The following PHACTR2 variants were observed in gnomAD, a reference collection of about 807,000 sequenced individuals.
PHACTR2 encodes chromosome 6 open reading frame 56.
PHACTR2 carries 30 observed loss-of-function variants against 76.0 expected under a neutral mutation model. The observed-to-expected ratio is 0.39, with a 90% CI of 0.30 to 0.54. The LOEUF is 0.54. PHACTR2 is among the 20% of genes least tolerant of loss of function. The probability of loss-of-function intolerance (pLI) is 0.61; values close to 1 mark genes in which losing one functional copy is unlikely to be tolerated. For missense variants in PHACTR2, 696 were observed against 781.1 expected (o/e 0.89, Z 1.30); for synonymous variants, 292 against 292.5 (o/e 1.00, Z 0.02).
chr6:143,604,283 A>C (rs17072813), upstream of PHACTR2, among the ~76,000 whole-genome samples: 944 of 152,224 alleles, frequency 6.2e-3, 22 homozygotes, highest in East Asian at 0.091. Context: ...TGGACCAAGC[A>C]ATCTAATTAC....
chr6:143,769,771 T>G (rs1229789046), intron 6 of PHACTR2, among the ~76,000 whole-genome samples: 2 of 152,174 alleles, frequency 1.3e-5, no homozygotes, highest in Non-Finnish European at 2.9e-5. Flanking sequence ...CAGAACATAT[T>G]ATTAATTGGC....
At position 143,627,738 on chromosome 6, in the gene PHACTR2, A is replaced by T. The variant is rs567291863; in HGVS notation, c.13+19416A>T. 1.3e-5 allele frequency among the ~76,000 whole-genome samples: 2 copies of T among 152,138 alleles called. No individual in the cohort carries two copies. The highest frequency in any genetic ancestry group is 3.9e-4 in the East Asian group (2 of 5,174). On this transcript the variant is annotated intron_variant, in intron 1 of 11. Coordinates refer to the PHACTR2 transcript ENST00000305766. This position sits in a 1 kb window ranked among gnomAD's most constrained non-coding sequence, Gnocchi z 4.3. ...TGCCTCAGCCTCTCTAGTAGCTGGG[A>T]CTACAGGCTCGTACCGCCACGCCCA...
rs1777481811 is a variant in PHACTR2 at position 143,684,958 on chromosome 6, T to A, written c.46+6749T>A. On this transcript the variant is annotated intron_variant, in intron 1 of 12. Coordinates refer to ENST00000440869, the MANE Select transcript of PHACTR2 (RefSeq NM_001100164.2). The surrounding 1 kb of genome is among the most constrained non-coding windows in gnomAD (Gnocchi z 4.3). Reference sequence around the variant, plus strand: ...TATTTCTTTTTCTTTGAATTGCCTATTTATAGACTTTCCTTATTTTTATGG... The same window carrying A: ...TATTTCTTTTTCTTTGAATTGCCTAATTATAGACTTTCCTTATTTTTATGG... Among the ~76,000 whole-genome samples, 1 of 152,220 alleles carries A rather than the reference T, an allele frequency of 6.6e-6. No individual in the cohort carries two copies. Among genetic ancestry groups the A allele is most frequent in the South Asian group, 2.1e-4 (1 of 4,834 alleles).
At chr6:143,642,412 T>C (rs1776582213) in intron 1 of PHACTR2, among the ~76,000 whole-genome samples, 1 of 152,228 alleles carries the variant, frequency 6.6e-6, no homozygotes, top group Non-Finnish European at 1.5e-5. Context: ...AACACCTCAT[T>C]GTGTCAAAGA....
In PHACTR2 at chr6:143,571,291, A is replaced by G. The variant is rs755242713; in HGVS notation, c.217+34084A>G. On this transcript the variant is annotated intron_variant, in intron 1 of 11. Coordinates refer to the PHACTR2 transcript ENST00000367584. The surrounding 1 kb of genome is among the most constrained non-coding windows in gnomAD (Gnocchi z 4.6). ...AGTTATCATCCTTCTGCATTTATCA[A>G]TTGGAATTCTACTACAATGAAGAGC... Among the ~76,000 whole-genome samples, 1 of 152,202 alleles carries G rather than the reference A, an allele frequency of 6.6e-6. No homozygotes were observed. Among genetic ancestry groups the G allele is most frequent in the South Asian group, 2.1e-4 (1 of 4,832 alleles).
Position 143,761,685 on chromosome 6 carries a change from C to G in PHACTR2, c.694+1045C>G, listed in dbSNP as rs1327157313. Among the ~76,000 whole-genome samples the G allele has an allele frequency of 6.6e-6, 1 of 151,880 alleles. No individual in the cohort carries two copies. Among genetic ancestry groups the G allele is most frequent in the African/African-American group, 2.4e-5 (1 of 41,338 alleles). Reference sequence around the variant, plus strand: ...AGGAAAATCGCTTGAACCCAGGAGGCAGAAGTTGCGGTGAGCTGAGATCGC... The same window carrying G: ...AGGAAAATCGCTTGAACCCAGGAGGGAGAAGTTGCGGTGAGCTGAGATCGC... On this transcript the variant is annotated intron_variant, in intron 5 of 12. Coordinates refer to ENST00000440869, the MANE Select transcript of PHACTR2 (RefSeq NM_001100164.2). The surrounding 1 kb of genome is among the most constrained non-coding windows in gnomAD (Gnocchi z 5.2).
chr6:143,828,556 A>G lies in PHACTR2; in HGVS notation c.*4867A>G, dbSNP rs1776592569. On this transcript the variant is annotated 3_prime_UTR_variant, in exon 13 of 13. Transcript: ENST00000440869. This position sits in a 1 kb window ranked among gnomAD's most constrained non-coding sequence, Gnocchi z 4.7. ...ATGTTGTAAAATTTCTGGCAAAGAAATGGAGGATCCTGTGGCAGCTATTCC... is the reference window on the plus strand; with the variant it reads ...ATGTTGTAAAATTTCTGGCAAAGAAGTGGAGGATCCTGTGGCAGCTATTCC... The G allele has an allele frequency of 6.6e-6, 1 of 152,208 alleles. No homozygotes were observed. The highest frequency in any genetic ancestry group is 1.5e-5 in the Non-Finnish European group (1 of 68,028). 9.4% of individuals were successfully genotyped at this position (152,208 alleles called of 1,614,324 possible).
rs1779405227 is a variant in PHACTR2 at position 143,760,330 on chromosome 6, A to G, written c.455-71A>G. 5 of 1,399,114 alleles carry G rather than the reference A, an allele frequency of 3.6e-6. No individual in the cohort carries two copies. Among genetic ancestry groups the G allele is most frequent in the South Asian group, 2.6e-5 (2 of 78,088 alleles). 86.7% of individuals were successfully genotyped at this position (1,399,114 alleles called of 1,614,324 possible). A position where few individuals can be genotyped will look rare whatever the true frequency, so the allele number is the denominator to read the frequency against. The stretch of plus-strand genomic sequence containing the variant: ...AGACACGCTTTGTGTCACTATCGTC[A>G]TGTCTTGCTCCTTGTGTTTATATGG... On this transcript the variant is annotated intron_variant, in intron 4 of 12. Transcript: ENST00000440869. This position sits in a 1 kb window ranked among gnomAD's most constrained non-coding sequence, Gnocchi z 6.4.
chr6:143,826,996 TGAA>T lies in PHACTR2; in HGVS notation c.*3309_*3311del, dbSNP rs1368702880. ...TTCTGTTAGTAGGAAGTTCTGAAATTGAAGGGAAAATATATTTAAGGAAATAAA... is the reference window on the plus strand; with the variant it reads ...TTCTGTTAGTAGGAAGTTCTGAAATTGGGAAAATATATTTAAGGAAATAAA... On this transcript the variant is annotated 3_prime_UTR_variant, in exon 13 of 13. Transcript: ENST00000440869. 2.6e-5 allele frequency: 4 copies of T among 151,336 alleles called. No individual in the cohort carries two copies. Among genetic ancestry groups the T allele is most frequent in the Admixed American group, 2.6e-4 (4 of 15,178 alleles). 9.4% of individuals were successfully genotyped at this position (151,336 alleles called of 1,614,324 possible).
intron 2 of PHACTR2, 30 bp downstream of exon 2, chr6:143,712,213 G>A (rs1243503834): frequency 3.0e-6 from 4 of 1,336,896 alleles, no homozygotes; most frequent in Admixed American, 2.9e-5. Context: ...TTAGAAGATG[G>A]GATAAATTGT....
chr6:143,719,472 C>T (rs9376780), intron 2 of PHACTR2, among the ~76,000 whole-genome samples: 6 of 148,298 alleles, frequency 4.0e-5, no homozygotes, highest in South Asian at 2.2e-4. Context: ...GCCTCAGCCT[C>T]CTGAGTAGCT....
rs1776305622 is a variant in PHACTR2 at position 143,816,815 on chromosome 6, C to T, written c.1923-6859C>T. Among the ~76,000 whole-genome samples the T allele has an allele frequency of 6.6e-6, 1 of 152,210 alleles. No individual in the cohort carries two copies. Among genetic ancestry groups the T allele is most frequent in the Admixed American group, 6.5e-5 (1 of 15,288 alleles). ...GTGCGGTGGCTCATGCCTGTAATCCCAGCACTTTGGGAGGCTGAGGCGGGA... is the reference window on the plus strand; with the variant it reads ...GTGCGGTGGCTCATGCCTGTAATCCTAGCACTTTGGGAGGCTGAGGCGGGA... On this transcript the variant is annotated intron_variant, in intron 12 of 12. Coordinates refer to ENST00000440869, the MANE Select transcript of PHACTR2 (RefSeq NM_001100164.2). This position sits in a 1 kb window ranked among gnomAD's most constrained non-coding sequence, Gnocchi z 4.5.
At chr6:143,748,348 G>A (rs540618331) in intron 2 of PHACTR2, among the ~76,000 whole-genome samples, 2 of 152,344 alleles carry the variant, frequency 1.3e-5, no homozygotes, top group East Asian at 1.9e-4. Flanking sequence ...TTACAGGCAT[G>A]AGCCACCGTT....
intron 1 of PHACTR2, among the ~76,000 whole-genome samples, chr6:143,629,346 G>C (rs1396957094): frequency 6.6e-6 from 1 of 151,952 alleles, no homozygotes; most frequent in African/African-American, 2.4e-5. Flanking sequence ...TCCTTTCAGT[G>C]GTATTTTTAA....
At chr6:143,614,153 C>G (rs1776024553) in intron 1 of PHACTR2, among the ~76,000 whole-genome samples, 1 of 152,112 alleles carries the variant, frequency 6.6e-6, no homozygotes, top group African/African-American at 2.4e-5. Context: ...ACCCGGGAGG[C>G]AGAGGTTGCA....
intron 1 of PHACTR2, among the ~76,000 whole-genome samples, chr6:143,686,337 T>C (rs1777519250): frequency 6.6e-6 from 1 of 152,132 alleles, no homozygotes; most frequent in African/African-American, 2.4e-5. Flanking sequence ...TTAAAAATGA[T>C]GTAAAAATAT....
Position 143,654,378 on chromosome 6 carries a change from A to C in PHACTR2, c.13+46056A>C, listed in dbSNP as rs562429955. On this transcript the variant is annotated intron_variant, in intron 1 of 11. Coordinates refer to the PHACTR2 transcript ENST00000305766. The surrounding 1 kb of genome is among the most constrained non-coding windows in gnomAD (Gnocchi z 4.6). ...AAAATGAAAACATATATTCACCAGAAACTTGTTTATGAAGTGCAGAGCAGC... is the reference window on the plus strand; with the variant it reads ...AAAATGAAAACATATATTCACCAGACACTTGTTTATGAAGTGCAGAGCAGC... Among the ~76,000 whole-genome samples, 35 of 152,366 alleles carry C rather than the reference A, an allele frequency of 2.3e-4. No individual in the cohort carries two copies. Among genetic ancestry groups the C allele is most frequent in the Non-Finnish European group, 3.2e-4 (22 of 68,026 alleles).
Position 143,663,371 on chromosome 6 carries a change from A to G in PHACTR2, c.14-48645A>G, listed in dbSNP as rs1308526649. On this transcript the variant is annotated intron_variant, in intron 1 of 11. Transcript: ENST00000305766. This position sits in a 1 kb window ranked among gnomAD's most constrained non-coding sequence, Gnocchi z 4.1. The stretch of plus-strand genomic sequence containing the variant: ...GATGAATGAAGTACTGAATATCCCA[A>G]AGCATTGAATCACTTCTCTTGATTT... Among the ~76,000 whole-genome samples the G allele has an allele frequency of 6.6e-6, 1 of 152,172 alleles. No homozygotes were observed. The highest frequency in any genetic ancestry group is 1.5e-5 in the Non-Finnish European group (1 of 68,026).
At chr6:143,590,673 G>A (rs537532807) in intron 1 of PHACTR2, among the ~76,000 whole-genome samples, 2 of 152,104 alleles carry the variant, frequency 1.3e-5, no homozygotes, top group South Asian at 4.2e-4. Context: ...GAGTTCAATG[G>A]CTTTCTTTCT....
Sources: gnomAD v4.1 joint callset for allele counts (sites outside exome capture counted in the v4.1 genomes callset) on GRCh38, gnomAD v4.1.1 for gene constraint, Gnocchi (gnomAD v3.1) non-coding constraint, MANE v1.5 for transcripts, NCBI Gene and HGNC (gene_info 2026-07-23, HGNC 2026-07-21) for gene names.